Variants in SRGAP3 observed in about 807,000 individuals in gnomAD.
SRGAP3 encodes the protein SLIT-ROBO Rho GTPase-activating protein 3.
Under a neutral mutation model 121.1 loss-of-function variants are expected in SRGAP3, and 39 were observed. The ratio of observed to expected loss-of-function variants is 0.32; its 90% confidence interval spans 0.25 to 0.42. The LOEUF (loss-of-function observed/expected upper bound fraction) is 0.42, where lower values mean the gene tolerates loss of function less well. Ranked by LOEUF, SRGAP3 falls within the 10% of genes least tolerant of loss-of-function variation. The pLI, the probability that SRGAP3 is intolerant of heterozygous loss-of-function variation, is 1.00. For synonymous variants in SRGAP3, 601 were observed against 570.0 expected, an observed-to-expected ratio of 1.05 and a Z score of -0.77; for missense variants, 1,213 against 1,470.6, an observed-to-expected ratio of 0.82 and a Z score of 2.86.
At chr3:9,070,167 C>A (rs1318777224) in intron 4 of SRGAP3, among the ~76,000 whole-genome samples, 1 of 152,178 alleles carries the variant, frequency 6.6e-6, no homozygotes, top group Non-Finnish European at 1.5e-5. Flanking sequence ...CATCTTTCAG[C>A]CCCTCATTTA....
chr3:9,158,260 G>GT (rs1950489649), intron 1 of SRGAP3, among the ~76,000 whole-genome samples: 1 of 152,190 alleles, frequency 6.6e-6, no homozygotes, highest in Non-Finnish European at 1.5e-5. Context: ...TTACAAGGAG[G>GT]TGGGGTGGGG....
At chr3:9,119,366 C>G (rs1403348646) in intron 2 of SRGAP3, among the ~76,000 whole-genome samples, 1 of 152,224 alleles carries the variant, frequency 6.6e-6, no homozygotes, top group African/African-American at 2.4e-5. Flanking sequence ...CCCTCCAACC[C>G]AGGTGGTCTT....
intron 1 of SRGAP3, among the ~76,000 whole-genome samples, chr3:9,202,883 C>T (rs2125160850): frequency 6.6e-6 from 1 of 152,354 alleles, no homozygotes. Context: ...AAGTAAGCCT[C>T]CTTCCTTTCC....
At chr3:9,176,222 G>A (rs1951175938) in intron 1 of SRGAP3, among the ~76,000 whole-genome samples, 1 of 152,170 alleles carries the variant, frequency 6.6e-6, no homozygotes, top group African/African-American at 2.4e-5. Context: ...AACCAGCCTA[G>A]CTTGGGATTC....
At chr3:9,124,175 A>G (rs946042584) in intron 2 of SRGAP3, among the ~76,000 whole-genome samples, 2 of 152,204 alleles carry the variant, frequency 1.3e-5, no homozygotes, top group African/African-American at 4.8e-5. Context: ...ATCAGGACAC[A>G]TGACAGTTTG....
chr3:9,230,856 CAAA>C (rs544760262), intron 1 of SRGAP3, among the ~76,000 whole-genome samples: 6 of 91,154 alleles, frequency 6.6e-5, no homozygotes, highest in Admixed American at 1.3e-4. Context: ...GACCCTATCT[CAAA>C]AAAAAAAAAA....
At chr3:9,246,976 C>T (rs959894281) in intron 1 of SRGAP3, among the ~76,000 whole-genome samples, 1 of 152,014 alleles carries the variant, frequency 6.6e-6, no homozygotes, top group African/African-American at 2.4e-5. Flanking sequence ...AAGGATCAGC[C>T]AGGGCAATTA....
intron 1 of SRGAP3, among the ~76,000 whole-genome samples, chr3:9,345,473 C>A (rs541069930): frequency 3.2e-4 from 48 of 151,526 alleles, no homozygotes; most frequent in African/African-American, 1.1e-3. Context: ...CAGAGCAAGA[C>A]CCCATCTCAA....
intron 1 of SRGAP3, among the ~76,000 whole-genome samples, chr3:9,141,893 T>C (rs973228342): frequency 2.0e-5 from 3 of 152,208 alleles, no homozygotes; most frequent in Non-Finnish European, 2.9e-5. Context: ...GCCAAGTACC[T>C]TCTCAAATGC....
chr3:9,246,634 G>A (rs1275378190), intron 1 of SRGAP3, among the ~76,000 whole-genome samples: 1 of 152,232 alleles, frequency 6.6e-6, no homozygotes, highest in Admixed American at 6.5e-5. Flanking sequence ...TGTGGGCCAA[G>A]AGTAAGTGAT....
At chr3:9,207,470 G>A (rs747118397) in intron 1 of SRGAP3, among the ~76,000 whole-genome samples, 3 of 152,178 alleles carry the variant, frequency 2.0e-5, no homozygotes, top group African/African-American at 4.8e-5. Context: ...GGTCTATCAT[G>A]ATCATCTATG....
intron 1 of SRGAP3, among the ~76,000 whole-genome samples, chr3:9,221,755 C>G (rs1385500673): frequency 6.6e-6 from 1 of 152,110 alleles, no homozygotes; most frequent in African/African-American, 2.4e-5. Context: ...AAGGTCAGTC[C>G]ACACACCCTC....
At chr3:9,137,748 G>A (rs1014483890) in intron 1 of SRGAP3, among the ~76,000 whole-genome samples, 1 of 152,178 alleles carries the variant, frequency 6.6e-6, no homozygotes, top group African/African-American at 2.4e-5. Context: ...AGCAGAATGG[G>A]AGGGAGAGAG....
intron 2 of SRGAP3, among the ~76,000 whole-genome samples, chr3:9,111,830 T>C (rs1948634857): frequency 6.6e-6 from 1 of 152,232 alleles, no homozygotes; most frequent in South Asian, 2.1e-4. Flanking sequence ...AGAGTGACCC[T>C]TCCGCTTCTC....
chr3:9,000,183 T>C (rs1942667876), intron 18 of SRGAP3, among the ~76,000 whole-genome samples: 1 of 152,230 alleles, frequency 6.6e-6, no homozygotes, highest in African/African-American at 2.4e-5. Context: ...CCACTACCTG[T>C]TGCTGAGGCT....
At chr3:9,318,881 G>T (rs572062940) in intron 3 of SRGAP3, among the ~76,000 whole-genome samples, 1 of 150,396 alleles carries the variant, frequency 6.6e-6, no homozygotes, top group South Asian at 2.1e-4. Flanking sequence ...CGCATCTCAA[G>T]AAAAAAAAGA....
intron 9 of SRGAP3, among the ~76,000 whole-genome samples, chr3:9,051,291 T>C (rs1268467489): frequency 6.6e-6 from 1 of 152,224 alleles, no homozygotes; most frequent in Non-Finnish European, 1.5e-5. Flanking sequence ...ATTTTAGGCA[T>C]GAGCCATGGC....
chr3:9,047,251 T>A, intron 10 of SRGAP3, 140 bp downstream of exon 10: 1 of 836,600 alleles, frequency 1.2e-6, no homozygotes, highest in Non-Finnish European at 2.0e-6. Flanking sequence ...TTTCCCAGCC[T>A]GCCCAGTCCT....
At chr3:9,306,030 T>C (rs1170081376) in intron 3 of SRGAP3, among the ~76,000 whole-genome samples, 1 of 152,350 alleles carries the variant, frequency 6.6e-6, no homozygotes, top group Non-Finnish European at 1.5e-5. Context: ...CCACCAACAA[T>C]GTAAAAGTGT....
Sources: gnomAD v4.1 joint callset for allele counts (sites outside exome capture counted in the v4.1 genomes callset) on GRCh38, gnomAD v4.1.1 for gene constraint, MANE v1.5 for transcripts, NCBI Gene and HGNC (gene_info 2026-07-23, HGNC 2026-07-21) for gene names.